Variants in KANSL1 observed in about 807,000 individuals in gnomAD.
The protein encoded by KANSL1 is MLL1/MLL complex subunit KANSL1.
In KANSL1, 22 loss-of-function variants were observed where a neutral mutation model predicts 103.6. The observed-to-expected ratio is 0.21, with a 90% CI of 0.15 to 0.30. KANSL1 has a LOEUF of 0.30. Among genes scored for constraint, KANSL1 ranks in the 10% least tolerant of loss-of-function variants. The pLI, the probability that KANSL1 is intolerant of heterozygous loss-of-function variation, is 1.00. For missense variants in KANSL1, 1,337 were observed against 1,399.8 expected, an observed-to-expected ratio of 0.96 and a Z score of 0.72; for synonymous variants, 600 against 527.6, an observed-to-expected ratio of 1.14 and a Z score of -1.88.
intron 2 of KANSL1, among the ~76,000 whole-genome samples, chr17:46,150,770 G>A: frequency 6.6e-6 from 1 of 152,176 alleles, no homozygotes; most frequent in East Asian, 1.9e-4. Flanking sequence ...TTCTGCCATT[G>A]TTGTTAAATT....
At chr17:46,164,900 T>A (rs1009370742) in intron 2 of KANSL1, among the ~76,000 whole-genome samples, 1 of 152,226 alleles carries the variant, frequency 6.6e-6, no homozygotes, top group Non-Finnish European at 1.5e-5. Flanking sequence ...GACTTGGGTA[T>A]CCTGGCTGAT....
At chr17:46,050,468 T>C in intron 7 of KANSL1, 65 bp downstream of exon 7, 6 of 1,502,748 alleles carry the variant, frequency 4.0e-6, no homozygotes, top group Non-Finnish European at 4.5e-6. Context: ...CTTGGCTGAT[T>C]TTCTTTCACC....
At chr17:46,132,707 G>A (rs1241103132) in intron 2 of KANSL1, among the ~76,000 whole-genome samples, 1 of 152,192 alleles carries the variant, frequency 6.6e-6, no homozygotes. Flanking sequence ...CGACATTTTG[G>A]GAGGCCGAGG....
chr17:46,113,365 CAAAT>C (rs1489001237), intron 2 of KANSL1, among the ~76,000 whole-genome samples: 2 of 152,150 alleles, frequency 1.3e-5, no homozygotes, highest in African/African-American at 2.4e-5. Flanking sequence ...TGTTAACAAT[CAAAT>C]GAATGGCAAG....
chr17:46,099,837 C>T (rs1380283188), intron 2 of KANSL1, among the ~76,000 whole-genome samples: 1 of 152,178 alleles, frequency 6.6e-6, no homozygotes, highest in African/African-American at 2.4e-5. Flanking sequence ...CTTTTATAAA[C>T]TTTTTATTGG....
chr17:46,040,019 C>A, intron 7 of KANSL1, 135 bp from the exon 8 acceptor site: 2 of 736,646 alleles, frequency 2.7e-6, no homozygotes, highest in South Asian at 3.5e-5. Context: ...TATGGAAGAT[C>A]TGTTTACGTG....
intron 1 of KANSL1, among the ~76,000 whole-genome samples, chr17:46,187,089 G>C (rs1163827720): frequency 1.3e-5 from 2 of 152,090 alleles, no homozygotes; most frequent in African/African-American, 4.8e-5. Flanking sequence ...ACTAGCTACA[G>C]TACTTAGCTT....
At chr17:46,111,098 C>G (rs1331084610) in intron 2 of KANSL1, among the ~76,000 whole-genome samples, 1 of 152,112 alleles carries the variant, frequency 6.6e-6, no homozygotes, top group Non-Finnish European at 1.5e-5. Context: ...AGTTATTTTA[C>G]GTCTGATGCA....
intron 4 of KANSL1, among the ~76,000 whole-genome samples, chr17:46,074,906 GA>G (rs2078705438): frequency 6.6e-6 from 1 of 152,152 alleles, no homozygotes; most frequent in African/African-American, 2.4e-5. Flanking sequence ...ATCACTATTA[GA>G]AAGACAAGTC....
intron 2 of KANSL1, among the ~76,000 whole-genome samples, chr17:46,096,174 C>T (rs2042055404): frequency 6.7e-6 from 1 of 148,436 alleles, no homozygotes. Flanking sequence ...GGGTCTCACA[C>T]TCTATCATTG....
At chr17:46,209,096 T>G (rs1262137699) in intron 1 of KANSL1, among the ~76,000 whole-genome samples, 1 of 151,380 alleles carries the variant, frequency 6.6e-6, no homozygotes, top group African/African-American at 2.4e-5. Context: ...GGCAGGAGAA[T>G]TGCTTGAACC....
At chr17:46,170,736 A>C in intron 2 of KANSL1, 119 bp downstream of exon 2, 1 of 1,186,242 alleles carries the variant, frequency 8.4e-7, no homozygotes, top group Non-Finnish European at 1.2e-6. Flanking sequence ...CAGGGAAAAA[A>C]CAAACAGAAC....
At chr17:46,097,079 A>G (rs373795798) in intron 2 of KANSL1, among the ~76,000 whole-genome samples, 11 of 152,382 alleles carry the variant, frequency 7.2e-5, no homozygotes, top group African/African-American at 2.2e-4. Flanking sequence ...TCCTCTGCAT[A>G]AGGAAACAGG....
At chr17:46,046,992 G>A (rs1341839521) in intron 7 of KANSL1, among the ~76,000 whole-genome samples, 1 of 152,072 alleles carries the variant, frequency 6.6e-6, no homozygotes, top group Admixed American at 6.6e-5. Context: ...CAGTGACTCT[G>A]GAATCTGAAG....
Position 46,030,834 on chromosome 17 carries a change from GAA to G in KANSL1, c.*640_*641del, listed in dbSNP as rs1423067890. ...GCAGCCACAGCCAGGTTACTGCAGTGAAAGAGTCAAAACAGAGAAGACCAAAT... is the reference window on the plus strand; with the variant it reads ...GCAGCCACAGCCAGGTTACTGCAGTGAGAGTCAAAACAGAGAAGACCAAAT... On this transcript the variant is annotated 3_prime_UTR_variant, in exon 15 of 15. Coordinates refer to ENST00000432791, the MANE Select transcript of KANSL1 (RefSeq NM_015443.4). The G allele has an allele frequency of 6.5e-6, 1 of 152,700 alleles. No homozygotes were observed. 9.5% of individuals were successfully genotyped at this position (152,700 alleles called of 1,614,324 possible).
intron 1 of KANSL1, chr17:46,192,536 C>A (rs1480214283): frequency 6.5e-6 from 1 of 152,866 alleles, no homozygotes; most frequent in African/African-American, 2.4e-5. Context: ...AAATCATGTT[C>A]TTCAGGCCGC....
At chr17:46,170,196 T>G (rs997801481) in intron 2 of KANSL1, 2 of 150,780 alleles carry the variant, frequency 1.3e-5, no homozygotes, top group African/African-American at 4.9e-5. Flanking sequence ...CAGTAAGAAT[T>G]TATTCCAAAT....
intron 1 of KANSL1, among the ~76,000 whole-genome samples, chr17:46,178,042 G>A (rs1241491304): frequency 6.6e-6 from 1 of 152,206 alleles, no homozygotes; most frequent in African/African-American, 2.4e-5. Context: ...CTCCCAAAGT[G>A]CTGGGATTAC....
intron 7 of KANSL1, chr17:46,043,103 G>A (rs1458755907): frequency 6.6e-6 from 1 of 152,154 alleles, no homozygotes; most frequent in African/African-American, 2.4e-5. Context: ...GGCTGAGCTG[G>A]AATGTATAAA....
Sources: allele counts gnomAD v4.1 joint callset (sites outside exome capture counted in the v4.1 genomes callset), GRCh38; gene constraint gnomAD v4.1.1; transcripts MANE v1.5; gene names NCBI Gene and HGNC (gene_info 2026-07-23, HGNC 2026-07-21).